Variants in NAV2 observed in about 807,000 individuals in gnomAD.
The protein encoded by NAV2 is neuron navigator 2.
NAV2 carries 54 observed loss-of-function variants against 223.2 expected under a neutral mutation model. The observed-to-expected ratio is 0.24, with a 90% confidence interval of 0.19 to 0.30. The LOEUF is 0.30. Among genes scored for constraint, NAV2 ranks in the 10% least tolerant of loss-of-function variants. The pLI is 1.00. For synonymous variants in NAV2, 1,279 were observed against 1,239.3 expected, an observed-to-expected ratio of 1.03 and a Z score of -0.67; for missense variants, 2,806 against 3,147.5, an observed-to-expected ratio of 0.89 and a Z score of 2.60.
chr11:19,627,192 A>T (rs1471360134), intron 1 of NAV2, among the ~76,000 whole-genome samples: 1 of 152,198 alleles, frequency 6.6e-6, no homozygotes, highest in African/African-American at 2.4e-5. Flanking sequence ...GTTCGAGACC[A>T]GCCTAGCCAA....
intron 24 of NAV2, among the ~76,000 whole-genome samples, chr11:20,079,042 T>A (rs1478858792): frequency 6.6e-6 from 1 of 152,138 alleles, no homozygotes; most frequent in Non-Finnish European, 1.5e-5. Flanking sequence ...TGAGAGTCAC[T>A]TCCTTTTTCT....
intron 1 of NAV2, among the ~76,000 whole-genome samples, chr11:19,738,740 GT>G (rs1490841792): frequency 2.0e-5 from 3 of 152,212 alleles, no homozygotes; most frequent in African/African-American, 7.2e-5. Flanking sequence ...CTTTAAAGGT[GT>G]TTTAATGACA....
intron 5 of NAV2, among the ~76,000 whole-genome samples, chr11:19,883,505 A>G (rs776816110): frequency 6.6e-6 from 1 of 152,210 alleles, no homozygotes; most frequent in Non-Finnish European, 1.5e-5. Flanking sequence ...GATAATCAGT[A>G]TTCAGTTGTT....
intron 1 of NAV2, among the ~76,000 whole-genome samples, chr11:19,488,104 G>C (rs1304803452): frequency 1.3e-5 from 2 of 152,150 alleles, no homozygotes; most frequent in Non-Finnish European, 2.9e-5. Context: ...CTGTCACTAA[G>C]TGATCCCAGA....
intron 4 of NAV2, among the ~76,000 whole-genome samples, chr11:19,877,120 T>A (rs1275000474): frequency 6.6e-6 from 1 of 152,036 alleles, no homozygotes; most frequent in Non-Finnish European, 1.5e-5. Context: ...AAATCCCAGC[T>A]CCAGTGTTTA....
chr11:20,071,664 A>T (rs1226788089), intron 22 of NAV2, among the ~76,000 whole-genome samples: 1 of 147,864 alleles, frequency 6.8e-6, no homozygotes, highest in East Asian at 1.9e-4. Flanking sequence ...TCTAACTGAC[A>T]TGAGATGGTA....
In NAV2 at chr11:19,933,758, C is replaced by T; in HGVS notation, c.1514C>T (p.Ala505Val). 6.2e-7 allele frequency: 1 copy of T among 1,614,140 alleles called. No homozygotes were observed. The highest frequency in any genetic ancestry group is 8.5e-7 in the Non-Finnish European group (1 of 1,180,026). The change falls in exon 7 of 38, where the codon GCC becomes GTC. Residue 505 changes from alanine (A) to valine (V), a missense_variant. By Grantham distance (64) the Ala-to-Val change is moderately conservative. This residue lies in a region of NAV2 where 1,167 missense variants were observed against 1,180.5 expected (regional missense o/e 0.99). Transcript: ENST00000349880. The surrounding 1 kb of genome is among the most constrained non-coding windows in gnomAD (Gnocchi z 4.3). ...EKDKEKSKDL[A>V]KRASVTERLD... ...GATAAGGAGAAAAGCAAGGACCTTGCCAAGAGAGCCTCTGTGACGGAGAGG... is the reference window on the plus strand; with the variant it reads ...GATAAGGAGAAAAGCAAGGACCTTGTCAAGAGAGCCTCTGTGACGGAGAGG...
chr11:19,923,973 A>G (rs1050803495), intron 6 of NAV2, among the ~76,000 whole-genome samples: 1 of 152,206 alleles, frequency 6.6e-6, no homozygotes, highest in African/African-American at 2.4e-5. Flanking sequence ...TTATATTTTT[A>G]AAGGTATCTT....
chr11:20,023,344 G>A (rs1290571910), intron 11 of NAV2, among the ~76,000 whole-genome samples: 1 of 152,170 alleles, frequency 6.6e-6, no homozygotes, highest in African/African-American at 2.4e-5. Flanking sequence ...CTCCTCTTCC[G>A]CCCCCATTGA....
At chr11:19,347,716 C>T (rs1328940375), upstream of NAV2, among the ~76,000 whole-genome samples, 2 of 152,198 alleles carry the variant, frequency 1.3e-5, no homozygotes, top group Non-Finnish European at 2.9e-5. Flanking sequence ...GCTGCTGATC[C>T]ATTGCTGCAT....
chr11:19,433,433 T>G (rs1036447242), intron 1 of NAV2, among the ~76,000 whole-genome samples: 3 of 152,216 alleles, frequency 2.0e-5, no homozygotes, highest in Non-Finnish European at 4.4e-5. Flanking sequence ...CTTGGCTTTA[T>G]TTTGTGCCTT....
At chr11:19,964,416 C>T (rs1388359978) in intron 10 of NAV2, among the ~76,000 whole-genome samples, 2 of 152,050 alleles carry the variant, frequency 1.3e-5, no homozygotes, top group Non-Finnish European at 2.9e-5. Flanking sequence ...ATAATATTAA[C>T]ACGACTAGCT....
At chr11:19,922,470 G>A (rs2044361902) in intron 6 of NAV2, among the ~76,000 whole-genome samples, 1 of 152,098 alleles carries the variant, frequency 6.6e-6, no homozygotes, top group Non-Finnish European at 1.5e-5. Flanking sequence ...TGTGTTGTAA[G>A]ATTTGAACTC....
At chr11:19,976,047 G>A (rs540733388) in intron 10 of NAV2, among the ~76,000 whole-genome samples, 122 of 152,238 alleles carry the variant, frequency 8.0e-4, no homozygotes, top group South Asian at 1.7e-3. Context: ...ACTCTATAGC[G>A]TGCAAAAACA....
At chr11:19,860,773 A>C (rs1472474534) in intron 3 of NAV2, among the ~76,000 whole-genome samples, 368 of 147,702 alleles carry the variant, frequency 2.5e-3, no homozygotes, top group African/African-American at 7.7e-3. Context: ...CTCCGTCTGC[A>C]ATCCCGGCAC....
intron 12 of NAV2, among the ~76,000 whole-genome samples, chr11:20,040,051 GGATAA>G (rs2056767326): frequency 6.6e-6 from 1 of 152,204 alleles, no homozygotes; most frequent in African/African-American, 2.4e-5. Flanking sequence ...CAGCCTGAGA[GGATAA>G]GATGAGTTCA....
chr11:19,546,679 AT>A (rs2044508280), intron 1 of NAV2, among the ~76,000 whole-genome samples: 1 of 152,098 alleles, frequency 6.6e-6, no homozygotes, highest in African/African-American at 2.4e-5. Flanking sequence ...GTAAGAAGAG[AT>A]TTTATTTCCC....
At chr11:20,084,821 T>A (rs1303232306) in intron 26 of NAV2, among the ~76,000 whole-genome samples, 1 of 152,168 alleles carries the variant, frequency 6.6e-6, no homozygotes, top group African/African-American at 2.4e-5. Context: ...TCTTCTTTAT[T>A]TATTGATTTA....
At chr11:19,551,561 C>T (rs7928986) in intron 1 of NAV2, among the ~76,000 whole-genome samples, 1 of 152,086 alleles carries the variant, frequency 6.6e-6, no homozygotes, top group Non-Finnish European at 1.5e-5. Flanking sequence ...AGCTCCCTCC[C>T]TGTTATGTTG....
Sources: gnomAD v4.1 joint callset for allele counts (sites outside exome capture counted in the v4.1 genomes callset) on GRCh38, gnomAD v4.1.1 for gene constraint, gnomAD v4.1.1 regional missense constraint, Gnocchi (gnomAD v3.1) non-coding constraint, MANE v1.5 for transcripts, NCBI Gene and HGNC (gene_info 2026-07-23, HGNC 2026-07-21) for gene names.